The following ZNF445 variants were observed in gnomAD, a reference collection of about 807,000 sequenced individuals.
ZNF445 encodes zinc finger protein 445.
A neutral mutation model predicts 93.9 loss-of-function variants in ZNF445; 19 were observed. The ratio of observed to expected loss-of-function variants is 0.20; its 90% confidence interval spans 0.14 to 0.30. The LOEUF is 0.30. Ranked by LOEUF, ZNF445 falls within the 10% of genes least tolerant of loss-of-function variation. The probability of loss-of-function intolerance (pLI) is 1.00; values close to 1 mark genes in which losing one functional copy is unlikely to be tolerated. For synonymous variants in ZNF445, 449 were observed against 446.3 expected (o/e 1.01, Z -0.08); for missense variants, 1,058 against 1,259.4 (o/e 0.84, Z 2.42).
At position 44,446,384 on chromosome 3, in the gene ZNF445, C is replaced by T; in HGVS notation, c.*191G>A. ...GGGCTCCAAAGGACATGGTGCTGCA[C>T]TTCCCCAGCGTCACATCCTAGCAGG... On this transcript the variant is annotated 3_prime_UTR_variant, in exon 8 of 8. Coordinates refer to ENST00000396077, the MANE Select transcript of ZNF445 (RefSeq NM_181489.6). This position sits in a 1 kb window ranked among gnomAD's most constrained non-coding sequence, Gnocchi z 4.2. 1.3e-6 allele frequency: 1 copy of T among 766,520 alleles called. No homozygotes were observed. Among genetic ancestry groups the T allele is most frequent in the Non-Finnish European group, 2.0e-6 (1 of 491,270 alleles). The allele number at this position is 766,520 out of a possible 1,614,324, so 47.5% of individuals were successfully genotyped here.
Position 44,445,411 on chromosome 3 carries a change from CA to C in ZNF445, c.*1163del, listed in dbSNP as rs1206570145. On this transcript the variant is annotated 3_prime_UTR_variant, in exon 8 of 8. Coordinates refer to ENST00000396077, the MANE Select transcript of ZNF445 (RefSeq NM_181489.6). ...CATCACTCCTCAACTCAAAATTGTCCAAAAGCTCCCTGCCTCCCTCTGAGCC... is the reference window on the plus strand; with the variant it reads ...CATCACTCCTCAACTCAAAATTGTCCAAAGCTCCCTGCCTCCCTCTGAGCC... 1 of 152,290 alleles carries C rather than the reference CA, an allele frequency of 6.6e-6. No individual in the cohort carries two copies. The highest frequency in any genetic ancestry group is 1.5e-5 in the Non-Finnish European group (1 of 68,172). The allele number at this position is 152,290 out of a possible 1,614,324, so 9.4% of individuals were successfully genotyped here.
chr3:44,463,774 C>T (rs1698153678), intron 1 of ZNF445, among the ~76,000 whole-genome samples: 1 of 152,132 alleles, frequency 6.6e-6, no homozygotes, highest in African/African-American at 2.4e-5. Context: ...AAGAGATGGG[C>T]TGATTACAAA....
rs916434906 is a variant in ZNF445, at chr3:44,445,293, A to C, written c.*1282T>G. 6.6e-6 allele frequency: 1 copy of C among 152,292 alleles called. No homozygotes were observed. The highest frequency in any genetic ancestry group is 2.1e-4 in the South Asian group (1 of 4,838). The allele number at this position is 152,292 out of a possible 1,614,324, so 9.4% of individuals were successfully genotyped here. A position where few individuals can be genotyped will look rare whatever the true frequency, so the allele number is the denominator to read the frequency against. On this transcript the variant is annotated 3_prime_UTR_variant, in exon 8 of 8. Coordinates refer to ENST00000396077, the MANE Select transcript of ZNF445 (RefSeq NM_181489.6). ...AGGAGTCTGATTTATGGGAACTGGC[A>C]GCAAGGCTAACTGCATGAGAAGCCT...
rs974878866 is a variant in ZNF445, at chr3:44,443,363, G to C, written c.*3212C>G. On this transcript the variant is annotated 3_prime_UTR_variant, in exon 8 of 8. Transcript: ENST00000396077. ...GAACTAAAATTATTTGAAAACTCAG[G>C]TTATTGGACAAATAGGTTCAGTATA... The C allele has an allele frequency of 9.2e-5, 14 of 151,998 alleles. No individual in the cohort carries two copies. The highest frequency in any genetic ancestry group is 2.0e-4 in the Admixed American group (3 of 15,268). 9.4% of individuals were successfully genotyped at this position (151,998 alleles called of 1,614,324 possible).
At chr3:44,474,781 G>T (rs770831418) in intron 1 of ZNF445, among the ~76,000 whole-genome samples, 1 of 152,190 alleles carries the variant, frequency 6.6e-6, no homozygotes, top group East Asian at 1.9e-4. Flanking sequence ...ATAGCAACTT[G>T]AGACAAACTA....
In ZNF445 at chr3:44,434,347, G is replaced by A. The variant is rs1181345319; in HGVS notation, c.*12228C>T. On this transcript the variant is annotated 3_prime_UTR_variant, in exon 8 of 8. Coordinates refer to ENST00000396077, the MANE Select transcript of ZNF445 (RefSeq NM_181489.6). Reference sequence around the variant, plus strand: ...CTTCACTTGTACCCAGGAGGTGCAGGTTGCAGTGAGCCAAGATTGCCTCCA... The same window carrying A: ...CTTCACTTGTACCCAGGAGGTGCAGATTGCAGTGAGCCAAGATTGCCTCCA... 6.6e-6 allele frequency: 1 copy of A among 151,764 alleles called. No individual in the cohort carries two copies. 9.4% of individuals were successfully genotyped at this position (151,764 alleles called of 1,614,324 possible).
intron 1 of ZNF445, among the ~76,000 whole-genome samples, chr3:44,461,625 G>C (rs1698115451): frequency 6.6e-6 from 1 of 152,142 alleles, no homozygotes; most frequent in Non-Finnish European, 1.5e-5. Flanking sequence ...AACATTCATA[G>C]GTTGTCCTTT....
chr3:44,452,838 C>A (rs1429350581), intron 3 of ZNF445, among the ~76,000 whole-genome samples: 30 of 151,934 alleles, frequency 2.0e-4, no homozygotes, highest in Admixed American at 2.0e-3. Context: ...TGCTGGTAGA[C>A]CATGTCCTGA....
intron 3 of ZNF445, among the ~76,000 whole-genome samples, chr3:44,452,008 T>G (rs531529208): frequency 6.6e-6 from 1 of 152,114 alleles, no homozygotes; most frequent in Admixed American, 6.5e-5. Flanking sequence ...ATAACACTGA[T>G]AGAGAGGCAA....
At chr3:44,463,587 G>C (rs1054340187) in intron 1 of ZNF445, among the ~76,000 whole-genome samples, 6 of 152,126 alleles carry the variant, frequency 3.9e-5, no homozygotes, top group Non-Finnish European at 8.8e-5. Flanking sequence ...AAATTACTTC[G>C]CATTATGAGA....
intron 1 of ZNF445, among the ~76,000 whole-genome samples, chr3:44,475,961 T>A (rs572617453): frequency 1.3e-5 from 2 of 151,950 alleles, no homozygotes; most frequent in African/African-American, 4.8e-5. Context: ...TTTGCACCAC[T>A]GCACTCCAGC....
chr3:44,434,159 T>C lies in ZNF445; in HGVS notation c.*12416A>G, dbSNP rs1697624320. On this transcript the variant is annotated 3_prime_UTR_variant, in exon 8 of 8. Coordinates refer to ENST00000396077, the MANE Select transcript of ZNF445 (RefSeq NM_181489.6). ...CTGGCTTGGTGGCTCACTTCTGTAATCCCAGCACTTTGGGAGGCTGAGGTG... is the reference window on the plus strand; with the variant it reads ...CTGGCTTGGTGGCTCACTTCTGTAACCCCAGCACTTTGGGAGGCTGAGGTG... 1 of 151,100 alleles carries C rather than the reference T, an allele frequency of 6.6e-6. No homozygotes were observed. Among genetic ancestry groups the C allele is most frequent in the Non-Finnish European group, 1.5e-5 (1 of 67,928 alleles). 9.4% of individuals were successfully genotyped at this position (151,100 alleles called of 1,614,324 possible).
In ZNF445 at chr3:44,443,271, G is replaced by A. The variant is rs536558946; in HGVS notation, c.*3304C>T. ...TTTAGTAGTTAGCACCAAGTAGTCA[G>A]GCTTCTACTTTTTTTCCTTTCAGCT... is the stretch of plus-strand genomic sequence containing the variant. On this transcript the variant is annotated 3_prime_UTR_variant, in exon 8 of 8. Coordinates refer to ENST00000396077, the MANE Select transcript of ZNF445 (RefSeq NM_181489.6). 6.6e-6 allele frequency: 1 copy of A among 152,172 alleles called. No homozygotes were observed. The highest frequency in any genetic ancestry group is 1.5e-5 in the Non-Finnish European group (1 of 68,012). 9.4% of individuals were successfully genotyped at this position (152,172 alleles called of 1,614,324 possible).
rs1434789326 is a variant in ZNF445 at position 44,452,412 on chromosome 3, T to C, written c.430-930A>G. 2.0e-5 allele frequency among the ~76,000 whole-genome samples: 3 copies of C among 152,248 alleles called. No homozygotes were observed. In the East Asian group the frequency reaches 5.8e-4, roughly 29 times the overall value. ...GCAAAACAAGTTTAAGGACAAACTTTCTCGGGCCCTGGTTTTTCACACTGT... is the reference window on the plus strand; with the variant it reads ...GCAAAACAAGTTTAAGGACAAACTTCCTCGGGCCCTGGTTTTTCACACTGT... On this transcript the variant is annotated intron_variant, in intron 3 of 7. Transcript: ENST00000396077.
chr3:44,462,006 T>G (rs894937079), intron 1 of ZNF445, among the ~76,000 whole-genome samples: 1 of 152,186 alleles, frequency 6.6e-6, no homozygotes, highest in African/African-American at 2.4e-5. Flanking sequence ...CTGGTCTCTC[T>G]CTCTCTCTCT....
rs1480121698 is a variant in ZNF445 at position 44,435,750 on chromosome 3, C to G, written c.*10825G>C. 1 of 152,134 alleles carries G rather than the reference C, an allele frequency of 6.6e-6. No homozygotes were observed. The highest frequency in any genetic ancestry group is 1.5e-5 in the Non-Finnish European group (1 of 68,036). The allele number at this position is 152,134 out of a possible 1,614,324, so 9.4% of individuals were successfully genotyped here. ...CTATTCTAATTACGCATTCTAGAAC[C>G]AGGGAAATAACCATAGGATGGGTTC... On this transcript the variant is annotated 3_prime_UTR_variant, in exon 8 of 8. Coordinates refer to ENST00000396077, the MANE Select transcript of ZNF445 (RefSeq NM_181489.6).
Position 44,448,063 on chromosome 3 carries a change from A to G in ZNF445, c.1608T>C (p.Thr536=), listed in dbSNP as rs749465370. 1 of 1,612,602 alleles carries G rather than the reference A, an allele frequency of 6.2e-7. No homozygotes were observed. Among genetic ancestry groups the G allele is most frequent in the Admixed American group, 1.7e-5 (1 of 60,030 alleles). ...SNCARHEKIH[T]GVKPYKCDLC... The stretch of plus-strand genomic sequence containing the variant: ...AATCGCATTTATAAGGCTTCACTCC[A>G]GTGTGAATTTTCTCATGCCGCGCAC... The change falls in exon 8 of 8, where the codon ACT becomes ACC. Residue 536 remains threonine, a synonymous_variant. Transcript: ENST00000396077.
intron 3 of ZNF445, among the ~76,000 whole-genome samples, chr3:44,454,351 G>C (rs1364595245): frequency 6.6e-6 from 1 of 152,044 alleles, no homozygotes; most frequent in East Asian, 1.9e-4. Context: ...ACTTTACAGG[G>C]CTATGGTTAG....
intron 1 of ZNF445, among the ~76,000 whole-genome samples, chr3:44,463,202 A>G (rs993518066): frequency 2.0e-5 from 3 of 152,002 alleles, no homozygotes; most frequent in Admixed American, 6.6e-5. Context: ...ACACCCAGCT[A>G]ATTTTTGTAT....
Sources: gnomAD v4.1 joint callset for allele counts (sites outside exome capture counted in the v4.1 genomes callset) on GRCh38, gnomAD v4.1.1 for gene constraint, Gnocchi (gnomAD v3.1) non-coding constraint, MANE v1.5 for transcripts, NCBI Gene and HGNC (gene_info 2026-07-23, HGNC 2026-07-21) for gene names.